The following WFDC9 variants were observed in gnomAD, a reference collection of about 807,000 sequenced individuals.
WFDC9 encodes protein WFDC9.
A neutral mutation model predicts 9.5 loss-of-function variants in WFDC9; 9 were observed. The observed-to-expected ratio is 0.95, with a 90% confidence interval of 0.57 to 1.65. WFDC9 has a LOEUF of 1.65. WFDC9 is among the 40% of genes most tolerant of loss of function. WFDC9 has a pLI of 0.00. For synonymous variants in WFDC9, 33 were observed against 32.3 expected (o/e 1.02, Z -0.07); for missense variants, 87 against 106.7 (o/e 0.82, Z 0.81).
intron 2 of WFDC9, among the ~76,000 whole-genome samples, chr20:45,610,494 A>G (rs1367727135): frequency 6.6e-6 from 1 of 152,220 alleles, no homozygotes; most frequent in African/African-American, 2.4e-5. Flanking sequence ...AATATGTAAA[A>G]TTAAAAATAC....
intron 1 of WFDC9, among the ~76,000 whole-genome samples, chr20:45,622,391 A>G (rs1271953537): frequency 6.6e-6 from 1 of 152,190 alleles, no homozygotes; most frequent in East Asian, 1.9e-4. Context: ...TGAGATCTTT[A>G]ATAGTTCTTT....
Position 45,608,761 on chromosome 20 carries a change from A to T in WFDC9, c.141T>A (p.Tyr47Ter). 1 of 1,614,092 alleles carries T rather than the reference A, an allele frequency of 6.2e-7. No individual in the cohort carries two copies. Among genetic ancestry groups the T allele is most frequent in the Non-Finnish European group, 8.5e-7 (1 of 1,179,974 alleles). ...TAGTACACCTTTTCTCACAGTACTT[A>T]TATGGAGGCTGTACCCAGCACTGCT... Reference protein sequence around the residue: ...ETEQCWVQPPYKYCEKRCTKI... With the variant: ...ETEQCWVQPP Residue 47 changes from tyrosine (Y) to a stop codon, truncating the protein, a stop_gained, in exon 4 of 5, where the codon TAT (tyrosine) becomes TAA (stop). Coordinates refer to ENST00000326000, the MANE Select transcript of WFDC9 (RefSeq NM_147198.4). LOFTEE classifies it high-confidence loss of function.
At chr20:45,630,251 A>G (rs1217868365) in intron 1 of WFDC9, among the ~76,000 whole-genome samples, 3 of 152,162 alleles carry the variant, frequency 2.0e-5, no homozygotes, top group African/African-American at 7.2e-5. Flanking sequence ...AGGAGTAAAG[A>G]TTCAGAAGTG....
In WFDC9 at chr20:45,608,070, G is replaced by C. The variant is rs779971032; in HGVS notation, c.*40C>G. ...AGGCAGCACTCTTCTTAGACCAGAT[G>C]GTCATCCTTCAGCCCACAGTAGTGA... On this transcript the variant is annotated 3_prime_UTR_variant, in exon 5 of 5. Transcript: ENST00000326000. 6.2e-7 allele frequency: 1 copy of C among 1,611,512 alleles called. No individual in the cohort carries two copies. Among genetic ancestry groups the C allele is most frequent in the Non-Finnish European group, 8.5e-7 (1 of 1,178,190 alleles).
chr20:45,617,478 C>T (rs1981997871), intron 1 of WFDC9, among the ~76,000 whole-genome samples: 1 of 152,028 alleles, frequency 6.6e-6, no homozygotes, highest in Non-Finnish European at 1.5e-5. Flanking sequence ...AAAGAAAATC[C>T]ATGTATAACT....
At chr20:45,617,496 T>C (rs3092353) in intron 1 of WFDC9, among the ~76,000 whole-genome samples, 102,043 of 152,046 alleles carry the variant, frequency 0.67, 35,186 homozygotes, top group East Asian at 1. Flanking sequence ...ACTTTTGACT[T>C]CTCAAAAACC....
chr20:45,609,608 G>C (rs2037069870), intron 3 of WFDC9, among the ~76,000 whole-genome samples: 1 of 151,958 alleles, frequency 6.6e-6, no homozygotes, highest in Non-Finnish European at 1.5e-5. Flanking sequence ...TGTCTTTGTT[G>C]TCCACATTTT....
rs528757717 is a variant in WFDC9 at position 45,613,211 on chromosome 20, A to C, written c.-59+1417T>G. Among the ~76,000 whole-genome samples the C allele has an allele frequency of 1.5e-4, 23 of 152,318 alleles. No homozygotes were observed. The South Asian group carries it at 4.6e-3, about 30-fold the overall frequency. ...TCTCATTCCATTTATACATAGGACGATGGGAATAGTCTACATCAACCTTTG... is the reference window on the plus strand; with the variant it reads ...TCTCATTCCATTTATACATAGGACGCTGGGAATAGTCTACATCAACCTTTG... On this transcript the variant is annotated intron_variant, in intron 2 of 4. Coordinates refer to ENST00000326000, the MANE Select transcript of WFDC9 (RefSeq NM_147198.4).
chr20:45,623,405 C>T (rs368961904), intron 1 of WFDC9, among the ~76,000 whole-genome samples: 25 of 151,744 alleles, frequency 1.6e-4, no homozygotes, highest in African/African-American at 5.6e-4. Context: ...TTTGGGAGGC[C>T]GAGGCAGGTG....
chr20:45,609,537 C>A (rs1408624247), intron 3 of WFDC9, among the ~76,000 whole-genome samples: 1 of 152,046 alleles, frequency 6.6e-6, no homozygotes, highest in African/African-American at 2.4e-5. Flanking sequence ...CTGATGATGC[C>A]ACCTAAGAAG....
intron 3 of WFDC9, 84 bp from the exon 4 acceptor site, chr20:45,608,894 C>G (rs1981791914): frequency 7.1e-7 from 1 of 1,413,694 alleles, no homozygotes. Flanking sequence ...CCTTCTGAAA[C>G]TTGAGCTCCA....
At chr20:45,630,189 G>T (rs1335347804) in intron 1 of WFDC9, among the ~76,000 whole-genome samples, 3 of 152,310 alleles carry the variant, frequency 2.0e-5, no homozygotes, top group Admixed American at 6.5e-5. Flanking sequence ...CCAGGGCTGA[G>T]AATCCAGTGG....
intron 1 of WFDC9, among the ~76,000 whole-genome samples, chr20:45,620,215 G>A (rs1368018357): frequency 6.6e-6 from 1 of 152,082 alleles, no homozygotes; most frequent in Non-Finnish European, 1.5e-5. Flanking sequence ...CTATTTTCCT[G>A]CATTTTCAAA....
At chr20:45,609,091 C>A (rs1981797227) in intron 3 of WFDC9, among the ~76,000 whole-genome samples, 1 of 152,184 alleles carries the variant, frequency 6.6e-6, no homozygotes, top group Non-Finnish European at 1.5e-5. Context: ...AATTTATTCT[C>A]ATGTAACCTT....
chr20:45,625,804 A>G (rs1223461355), intron 1 of WFDC9, among the ~76,000 whole-genome samples: 1 of 42,956 alleles, frequency 2.3e-5, no homozygotes, highest in African/African-American at 1.1e-4. Flanking sequence ...TAGGTTCTCT[A>G]TTCTTTTTTT....
intron 1 of WFDC9, among the ~76,000 whole-genome samples, chr20:45,621,242 C>T (rs1982091271): frequency 6.6e-6 from 1 of 152,182 alleles, no homozygotes; most frequent in South Asian, 2.1e-4. Context: ...TTTCAGTATG[C>T]TAACTGTTCC....
chr20:45,624,535 C>A (rs932057825), intron 1 of WFDC9, among the ~76,000 whole-genome samples: 1 of 152,110 alleles, frequency 6.6e-6, no homozygotes, highest in Non-Finnish European at 1.5e-5. Context: ...CATGGGGGTA[C>A]ATATGTTGAT....
At chr20:45,625,740 G>A (rs1238546712) in intron 1 of WFDC9, among the ~76,000 whole-genome samples, 2 of 143,694 alleles carry the variant, frequency 1.4e-5, no homozygotes, top group Non-Finnish European at 3.0e-5. Context: ...CCCAGTGAAT[G>A]TTCTTGGCAT....
intron 3 of WFDC9, among the ~76,000 whole-genome samples, chr20:45,609,762 C>T (rs1021502220): frequency 6.6e-6 from 1 of 152,138 alleles, no homozygotes. Context: ...GCTCACCCAA[C>T]TGAGGCACAA....
Sources: allele counts gnomAD v4.1 joint callset (sites outside exome capture counted in the v4.1 genomes callset), GRCh38; gene constraint gnomAD v4.1.1; transcripts MANE v1.5; gene names NCBI Gene and HGNC (gene_info 2026-07-23, HGNC 2026-07-21).